Variants in SEMA3E observed in about 807,000 individuals in gnomAD.
The protein encoded by SEMA3E is semaphorin 3E, also known as semaphorin-3E.
A neutral mutation model predicts 93.6 loss-of-function variants in SEMA3E; 49 were observed. That is an observed-to-expected ratio of 0.52 (90% CI 0.42 to 0.66). SEMA3E has a LOEUF of 0.66. SEMA3E is among the 30% of genes least tolerant of loss of function. The pLI, the probability that SEMA3E is intolerant of heterozygous loss-of-function variation, is 0.00. For synonymous variants in SEMA3E, 363 were observed against 330.7 expected (o/e 1.10, Z -1.06); for missense variants, 906 against 964.8 (o/e 0.94, Z 0.81).
chr7:83,383,162 A>T (rs576083103), intron 16 of SEMA3E, among the ~76,000 whole-genome samples: 7 of 151,880 alleles, frequency 4.6e-5, no homozygotes, highest in African/African-American at 1.2e-4. Context: ...GCACTTACCC[A>T]GGAGGTAAGA....
At position 83,648,893 on chromosome 7, in the gene SEMA3E, A is replaced by T. The variant is rs1299348517; in HGVS notation, c.-351T>A. The T allele has an allele frequency of 4.7e-6, 1 of 211,498 alleles. No individual in the cohort carries two copies. Among genetic ancestry groups the T allele is most frequent in the East Asian group, 1.2e-4 (1 of 8,694 alleles). The allele number at this position is 211,498 out of a possible 1,614,324, so 13.1% of individuals were successfully genotyped here. A position where few individuals can be genotyped will look rare whatever the true frequency, so the allele number is the denominator to read the frequency against. On this transcript the variant is annotated 5_prime_UTR_variant, in exon 1 of 17. Coordinates refer to ENST00000643230, the MANE Select transcript of SEMA3E (RefSeq NM_012431.3). Reference sequence around the variant, plus strand: ...AAGCTGTTCATTCAGAAAAAAAAAAAAAAAAGAGAGAAAAAAACAAAACCG... The same window carrying T: ...AAGCTGTTCATTCAGAAAAAAAAAATAAAAAGAGAGAAAAAAACAAAACCG...
chr7:83,511,646 A>T (rs1346542978), intron 1 of SEMA3E, among the ~76,000 whole-genome samples: 1 of 152,146 alleles, frequency 6.6e-6, no homozygotes, highest in Non-Finnish European at 1.5e-5. Flanking sequence ...GCACTTTGGA[A>T]GGGCGAGACA....
chr7:83,375,534 C>T (rs1033985338), intron 16 of SEMA3E, among the ~76,000 whole-genome samples: 2 of 151,978 alleles, frequency 1.3e-5, no homozygotes, highest in African/African-American at 2.4e-5. Context: ...TTCATGCACA[C>T]GCATATTTTT....
intron 1 of SEMA3E, among the ~76,000 whole-genome samples, chr7:83,499,299 C>A (rs1051850310): frequency 6.6e-6 from 1 of 152,292 alleles, no homozygotes; most frequent in Admixed American, 6.5e-5. Flanking sequence ...ATACTGCCAA[C>A]TTTGCTTCCA....
chr7:83,507,990 A>G (rs1307636184), intron 1 of SEMA3E, among the ~76,000 whole-genome samples: 5 of 152,072 alleles, frequency 3.3e-5, no homozygotes, highest in African/African-American at 1.2e-4. Flanking sequence ...TCAAGAAATG[A>G]GCATATCAGT....
intron 1 of SEMA3E, among the ~76,000 whole-genome samples, chr7:83,619,579 T>C (rs1414561580): frequency 6.6e-6 from 1 of 151,866 alleles, no homozygotes; most frequent in Non-Finnish European, 1.5e-5. Context: ...TGGTGTTCAC[T>C]GAAGCCCTGT....
intron 1 of SEMA3E, among the ~76,000 whole-genome samples, chr7:83,569,435 G>C (rs78049331): frequency 0.02 from 3,077 of 152,166 alleles, 104 homozygotes; most frequent in African/African-American, 0.07. Context: ...AAAAGGTATA[G>C]AGTGGCAAAC....
At chr7:83,469,945 C>T (rs4382418) in intron 2 of SEMA3E, among the ~76,000 whole-genome samples, 103,259 of 151,528 alleles carry the variant, frequency 0.68, 36,817 homozygotes, top group Non-Finnish European at 0.79. Flanking sequence ...TATGGCCCAC[C>T]CAGCTAATTT....
chr7:83,437,787 G>A (rs1789034436), intron 4 of SEMA3E, among the ~76,000 whole-genome samples: 1 of 152,146 alleles, frequency 6.6e-6, no homozygotes, highest in East Asian at 1.9e-4. Flanking sequence ...GGTCCATAAT[G>A]TAAGATGGGC....
intron 5 of SEMA3E, among the ~76,000 whole-genome samples, chr7:83,416,188 T>C (rs1788534782): frequency 6.6e-6 from 1 of 152,142 alleles, no homozygotes; most frequent in Non-Finnish European, 1.5e-5. Context: ...TGGATAAATG[T>C]GAAGAATTAT....
At chr7:83,454,223 A>T (rs964772448) in intron 4 of SEMA3E, among the ~76,000 whole-genome samples, 4 of 135,150 alleles carry the variant, frequency 3.0e-5, no homozygotes, top group Non-Finnish European at 6.1e-5. Context: ...GCGCCACTGC[A>T]CTCCAGCGTG....
At chr7:83,539,862 T>TGC (rs1791483518) in intron 1 of SEMA3E, among the ~76,000 whole-genome samples, 2 of 134,058 alleles carry the variant, frequency 1.5e-5, no homozygotes, top group East Asian at 2.5e-4. Context: ...TTTCTGTGTG[T>TGC]GTGTGTGTGT....
intron 5 of SEMA3E, among the ~76,000 whole-genome samples, chr7:83,411,819 T>G (rs902318952): frequency 3.8e-4 from 58 of 152,284 alleles, no homozygotes; most frequent in African/African-American, 1.4e-3. Context: ...ATAAAAAGAT[T>G]AAAATACCTT....
At chr7:83,395,360 T>C (rs892985210) in intron 12 of SEMA3E, among the ~76,000 whole-genome samples, 1 of 152,120 alleles carries the variant, frequency 6.6e-6, no homozygotes, top group African/African-American at 2.4e-5. Context: ...TGCTTCTCAT[T>C]TATAAAGTCT....
chr7:83,570,552 C>CAAAAAAAAAAAAAAAAAAAA lies in SEMA3E; in HGVS notation c.115+77856_115+77875dup, dbSNP rs59715914. 6.0e-5 allele frequency among the ~76,000 whole-genome samples: 2 copies of CAAAAAAAAAAAAAAAAAAAA among 33,082 alleles called. 1 individual carries two copies. Among genetic ancestry groups the CAAAAAAAAAAAAAAAAAAAA allele is most frequent in the African/African-American group, 4.6e-4 (2 of 4,368 alleles). The allele number at this position is 33,082 out of a possible 152,430, so 21.7% of individuals were successfully genotyped here. Reference sequence around the variant, plus strand: ...TGGGCGACAGAGCGAGACTCCGTCTCAAAAAAAAAAAAAAAAAAAAGAAGT... The same window carrying CAAAAAAAAAAAAAAAAAAAA: ...TGGGCGACAGAGCGAGACTCCGTCTCAAAAAAAAAAAAAAAAAAAAAAAAAAAAAAAAAAAAAAAAGAAGT... On this transcript the variant is annotated intron_variant, in intron 1 of 16. Transcript: ENST00000643230.
At chr7:83,596,815 T>C (rs973364210) in intron 1 of SEMA3E, among the ~76,000 whole-genome samples, 26 of 152,130 alleles carry the variant, frequency 1.7e-4, no homozygotes, top group African/African-American at 6.3e-4. Context: ...TGTGTAAATC[T>C]TTTAGCTGCT....
intron 1 of SEMA3E, among the ~76,000 whole-genome samples, chr7:83,626,862 T>G (rs1793680939): frequency 6.6e-6 from 1 of 152,178 alleles, no homozygotes; most frequent in Non-Finnish European, 1.5e-5. Context: ...AATTTCCCTC[T>G]AAACACTGCT....
chr7:83,494,983 T>G (rs1411301117), intron 1 of SEMA3E, among the ~76,000 whole-genome samples: 1 of 151,918 alleles, frequency 6.6e-6, no homozygotes, highest in Non-Finnish European at 1.5e-5. Context: ...CTATAATTAA[T>G]GTGTATGGGG....
chr7:83,648,773 G>A lies in SEMA3E; in HGVS notation c.-231C>T, dbSNP rs963213581. On this transcript the variant is annotated 5_prime_UTR_variant, in exon 1 of 17. Transcript: ENST00000643230. ...GCCGGGAGCAAGAGGACATTCCAAA[G>A]AGTGAGTCTTCAGAGCCATGTCCTG... 42 of 581,342 alleles carry A rather than the reference G, an allele frequency of 7.2e-5. No homozygotes were observed. Among genetic ancestry groups the A allele is most frequent in the Admixed American group, 1.3e-4 (5 of 39,056 alleles). The allele number at this position is 581,342 out of a possible 1,614,324, so 36.0% of individuals were successfully genotyped here.
Sources: allele counts gnomAD v4.1 joint callset (sites outside exome capture counted in the v4.1 genomes callset), GRCh38; gene constraint gnomAD v4.1.1; transcripts MANE v1.5; gene names NCBI Gene and HGNC (gene_info 2026-07-23, HGNC 2026-07-21).